DSCAM: variants seen among roughly 807,000 people sequenced by gnomAD.
DSCAM encodes DS cell adhesion molecule.
In DSCAM, 47 loss-of-function variants were observed where a neutral mutation model predicts 217.7. The observed-to-expected ratio is 0.22, with a 90% CI of 0.17 to 0.28. DSCAM has a LOEUF of 0.28. Among genes scored for constraint, DSCAM ranks in the 10% least tolerant of loss-of-function variants. DSCAM has a pLI of 1.00. For synonymous variants in DSCAM, 1,056 were observed against 1,015.3 expected (o/e 1.04, Z -0.76); for missense variants, 2,080 against 2,618.3 (o/e 0.79, Z 4.49).
chr21:40,271,380 A>G (rs1318620647), intron 11 of DSCAM, among the ~76,000 whole-genome samples: 2 of 152,172 alleles, frequency 1.3e-5, no homozygotes, highest in African/African-American at 4.8e-5. Flanking sequence ...AGCAGCTCAC[A>G]AAAGCAGAGC....
intron 3 of DSCAM, among the ~76,000 whole-genome samples, chr21:40,508,759 ATATATATATATATATATATATATATTTTT>A (rs1219733263): frequency 9.7e-3 from 55 of 5,670 alleles, no homozygotes; most frequent in African/African-American, 0.029. Context: ...ATATATATAT[ATATATATATATATATATATATATATTTTT>A]TTTTTTTTTT....
At chr21:40,430,883 G>A (rs775384479) in intron 3 of DSCAM, among the ~76,000 whole-genome samples, 2 of 152,180 alleles carry the variant, frequency 1.3e-5, no homozygotes, top group African/African-American at 2.4e-5. Flanking sequence ...CATCTTTACC[G>A]GCATTCTTCT....
chr21:40,692,815 A>G lies in DSCAM; in HGVS notation c.503T>C (p.Val168Ala). The change falls in exon 3 of 33, where the codon GTC (valine) becomes GCC (alanine). Residue 168 changes from valine (V) to alanine (A), a missense_variant. Transcript: ENST00000400454. ...CCTGGAGACGCAAAGCCTACCTGAGACAAGTGAAACAGTGTCTTTCTCCCA... is the reference window on the plus strand; with the variant it reads ...CCTGGAGACGCAAAGCCTACCTGAGGCAAGTGAAACAGTGTCTTTCTCCCA... ...VSWEKDTVSL[V>A]SGSRFLITST... The G allele has an allele frequency of 6.2e-7, 1 of 1,612,256 alleles. No homozygotes were observed. The highest frequency in any genetic ancestry group is 8.5e-7 in the Non-Finnish European group (1 of 1,178,394).
At chr21:40,055,987 C>G in intron 28 of DSCAM, 147 bp from the exon 29 acceptor site, 1 of 512,872 alleles carries the variant, frequency 1.9e-6, no homozygotes, top group Non-Finnish European at 3.5e-6. Context: ...ACTATGAAAA[C>G]GTTTCCTTCA....
At chr21:40,825,114 C>T (rs13050537) in intron 1 of DSCAM, among the ~76,000 whole-genome samples, 25,115 of 151,818 alleles carry the variant, frequency 0.17, 2,955 homozygotes, top group African/African-American at 0.32. Flanking sequence ...GTGTTTTTTT[C>T]TCATTTATTT....
chr21:40,188,019 T>C (rs550740898), intron 12 of DSCAM, 32 bp from the exon 13 acceptor site: 9 of 1,565,168 alleles, frequency 5.8e-6, no homozygotes, highest in East Asian at 4.5e-5. Flanking sequence ...ATTCATCTTT[T>C]TCAGTAGGCA....
intron 17 of DSCAM, 109 bp from the exon 18 acceptor site, chr21:40,142,813 A>C (rs2090309350): frequency 7.9e-7 from 1 of 1,257,910 alleles, no homozygotes; most frequent in Non-Finnish European, 1.1e-6. Context: ...AAAAAATTGC[A>C]CTCAACCCCA....
In DSCAM at chr21:40,210,592, T is replaced by C. The variant is rs1257897372; in HGVS notation, c.2357-21354A>G. 5.9e-5 allele frequency among the ~76,000 whole-genome samples: 9 copies of C among 152,256 alleles called. No homozygotes were observed. The East Asian group carries it at 9.6e-4, about 16-fold the overall frequency. ...TGGATTCTCGCTCTGTCACCCAGGC[T>C]AGAGTGCAGTGGCACGATCTTGGCT... On this transcript the variant is annotated intron_variant, in intron 11 of 32. Coordinates refer to ENST00000400454, the MANE Select transcript of DSCAM (RefSeq NM_001389.5).
chr21:40,363,252 C>CTTTTTTTTTTTTTTTTTTTTTT (rs35756323), intron 4 of DSCAM, among the ~76,000 whole-genome samples: 1 of 116,168 alleles, frequency 8.6e-6, no homozygotes, highest in Non-Finnish European at 1.7e-5. Flanking sequence ...TTTTTGTGTT[C>CTTTTTTTTTTTTTTTTTTTTTT]TTTTTTTTTT....
intron 3 of DSCAM, among the ~76,000 whole-genome samples, chr21:40,568,537 T>C (rs1235003865): frequency 2.6e-5 from 4 of 152,188 alleles, no homozygotes; most frequent in Non-Finnish European, 5.9e-5. Context: ...TGGAGACTTA[T>C]GGAAAATACA....
At chr21:40,358,588 C>T (rs563687032) in intron 4 of DSCAM, among the ~76,000 whole-genome samples, 1 of 152,182 alleles carries the variant, frequency 6.6e-6, no homozygotes, top group East Asian at 1.9e-4. Flanking sequence ...AGGCAGATCA[C>T]ATGAGGTGAA....
At chr21:40,305,056 C>A (rs1176152110) in intron 9 of DSCAM, among the ~76,000 whole-genome samples, 1 of 151,968 alleles carries the variant, frequency 6.6e-6, no homozygotes, top group Admixed American at 6.6e-5. Flanking sequence ...TTGCCACAAA[C>A]CTTCAACTTG....
At chr21:40,780,002 T>A (rs1245676702) in intron 1 of DSCAM, among the ~76,000 whole-genome samples, 1 of 152,224 alleles carries the variant, frequency 6.6e-6, no homozygotes, top group Non-Finnish European at 1.5e-5. Flanking sequence ...TGTGTCCTCA[T>A]TCACACCATG....
chr21:40,218,349 G>A lies in DSCAM; in HGVS notation c.2357-29111C>T, dbSNP rs371135223. Among the ~76,000 whole-genome samples, 33 of 152,172 alleles carry A rather than the reference G, an allele frequency of 2.2e-4. No homozygotes were observed. The East Asian group carries it at 3.7e-3, about 17-fold the overall frequency. On this transcript the variant is annotated intron_variant, in intron 11 of 32. Coordinates refer to ENST00000400454, the MANE Select transcript of DSCAM (RefSeq NM_001389.5). ...GGCTCTCTATTGTGTTCCATTGGAC[G>A]ATGAGCCTGTTTTTGTACCATTACC...
At chr21:40,714,531 C>T (rs2090820046) in intron 1 of DSCAM, among the ~76,000 whole-genome samples, 1 of 152,200 alleles carries the variant, frequency 6.6e-6, no homozygotes. Context: ...TTTAGATTTA[C>T]TTGAAACCTG....
chr21:40,575,527 G>C lies in DSCAM; in HGVS notation c.508+117283C>G, dbSNP rs752629728. Among the ~76,000 whole-genome samples, 95 of 152,128 alleles carry C rather than the reference G, an allele frequency of 6.2e-4. 1 individual carries two copies. Among genetic ancestry groups the C allele is most frequent in the Non-Finnish European group, 9.1e-4 (62 of 68,016 alleles). ...AAAAATCAAGGTGCAAAGCCAATTA[G>C]GTGACAGGGGATGAAAGCCTGTTTC... On this transcript the variant is annotated intron_variant, in intron 3 of 32. Transcript: ENST00000400454.
intron 3 of DSCAM, among the ~76,000 whole-genome samples, chr21:40,531,665 T>G (rs1346229242): frequency 6.6e-6 from 1 of 152,204 alleles, no homozygotes; most frequent in Admixed American, 6.5e-5. Context: ...GCAAAAAGGT[T>G]TGGTCCCCAT....
intron 3 of DSCAM, among the ~76,000 whole-genome samples, chr21:40,468,550 G>A (rs911816182): frequency 6.6e-6 from 1 of 152,128 alleles, no homozygotes; most frequent in African/African-American, 2.4e-5. Context: ...GGGAGGGGGA[G>A]GCCTCAAAGG....
intron 3 of DSCAM, among the ~76,000 whole-genome samples, chr21:40,430,910 T>A (rs2075524739): frequency 6.6e-6 from 1 of 152,128 alleles, no homozygotes; most frequent in Non-Finnish European, 1.5e-5. Flanking sequence ...GCTGTACAAC[T>A]AGAAGGTGGT....
Sources: gnomAD v4.1 joint callset for allele counts (sites outside exome capture counted in the v4.1 genomes callset) on GRCh38, gnomAD v4.1.1 for gene constraint, MANE v1.5 for transcripts, NCBI Gene and HGNC (gene_info 2026-07-23, HGNC 2026-07-21) for gene names.